Variants in MAF observed in about 807,000 individuals in gnomAD.
MAF encodes transcription factor Maf.
Under a neutral mutation model 22.0 loss-of-function variants are expected in MAF, and 10 were observed. That is an observed-to-expected ratio of 0.45 (90% CI 0.28 to 0.77). The LOEUF (loss-of-function observed/expected upper bound fraction) is 0.77. Ranked by LOEUF, MAF falls within the 30% of genes least tolerant of loss-of-function variation. The pLI is 0.12. For missense variants in MAF, 544 were observed against 548.4 expected, an observed-to-expected ratio of 0.99 and a Z score of 0.08; for synonymous variants, 337 against 255.8, an observed-to-expected ratio of 1.32 and a Z score of -3.03.
chr16:79,595,500 T>C (rs989323475), intron 1 of MAF: 102 of 1,059,534 alleles, frequency 9.6e-5, no homozygotes, highest in Non-Finnish European at 1.1e-4. Context: ...TTGTCTAACA[T>C]TCTATTGGTG....
the MAF span, among the ~76,000 whole-genome samples, chr16:79,405,275 A>G: frequency 6.6e-6 from 1 of 152,200 alleles, no homozygotes; most frequent in African/African-American, 2.4e-5. Flanking sequence ...AAGTCTGAGC[A>G]AGAGGTTCTG....
chr16:79,387,074 T>C, the MAF span, among the ~76,000 whole-genome samples: 25 of 152,308 alleles, frequency 1.6e-4, no homozygotes, highest in Non-Finnish European at 3.1e-4. Context: ...ATCATACCTG[T>C]TGTTTTTGGT....
the MAF span, among the ~76,000 whole-genome samples, chr16:79,291,385 T>C: frequency 9.9e-5 from 15 of 152,284 alleles, no homozygotes; most frequent in East Asian, 2.3e-3. Flanking sequence ...CAAGTTTCCA[T>C]TGTACAGCCA....
At chr16:79,515,817 C>T in the MAF span, among the ~76,000 whole-genome samples, 1 of 152,194 alleles carries the variant, frequency 6.6e-6, no homozygotes, top group Non-Finnish European at 1.5e-5. Flanking sequence ...GGAATCACTA[C>T]ATTCTATCAG....
the MAF span, among the ~76,000 whole-genome samples, chr16:79,468,149 G>T: frequency 2.6e-5 from 4 of 152,152 alleles, no homozygotes; most frequent in South Asian, 8.3e-4. Context: ...TTTATTCTCC[G>T]CCATTTTCTC....
the MAF span, among the ~76,000 whole-genome samples, chr16:79,292,418 G>A: frequency 6.6e-6 from 1 of 152,300 alleles, no homozygotes; most frequent in East Asian, 1.9e-4. Context: ...TGAAGAGGGA[G>A]GATGGCCCTG....
the MAF span, among the ~76,000 whole-genome samples, chr16:79,479,712 C>T: frequency 6.6e-6 from 1 of 152,198 alleles, no homozygotes; most frequent in African/African-American, 2.4e-5. Context: ...GTATTTCCCA[C>T]AGGAGAGAAA....
At chr16:79,532,391 T>C in the MAF span, among the ~76,000 whole-genome samples, 61 of 152,298 alleles carry the variant, frequency 4.0e-4, no homozygotes, top group African/African-American at 1.3e-3. Context: ...TGAGTTTCAC[T>C]ACATAAAAGA....
chr16:79,233,783 G>A, the MAF span, among the ~76,000 whole-genome samples: 1 of 152,004 alleles, frequency 6.6e-6, no homozygotes, highest in Non-Finnish European at 1.5e-5. Flanking sequence ...CACAAGGTCA[G>A]GAGTTTGAGA....
the MAF span, among the ~76,000 whole-genome samples, chr16:79,351,233 G>A: frequency 2.0e-5 from 3 of 152,170 alleles, no homozygotes; most frequent in African/African-American, 7.2e-5. Context: ...AAACAGTGGG[G>A]CTGCCTTTGC....
At chr16:79,445,209 ATTT>A in the MAF span, among the ~76,000 whole-genome samples, 217 of 145,140 alleles carry the variant, frequency 1.5e-3, no homozygotes, top group Middle Eastern at 3.6e-3. Context: ...AATTTTTTGT[ATTT>A]TTTTTTTTTT....
the MAF span, among the ~76,000 whole-genome samples, chr16:79,268,288 C>T: frequency 0.47 from 71,984 of 151,660 alleles, 18,329 homozygotes; most frequent in Non-Finnish European, 0.55. Context: ...TCGTCTCAGC[C>T]TGAGGGTTAT....
At chr16:79,424,705 A>G in the MAF span, among the ~76,000 whole-genome samples, 3 of 152,192 alleles carry the variant, frequency 2.0e-5, no homozygotes, top group African/African-American at 7.2e-5. Flanking sequence ...ACTGTTGGAA[A>G]GATGGTGTTA....
chr16:79,273,950 T>A, the MAF span, among the ~76,000 whole-genome samples: 12 of 2,604 alleles, frequency 4.6e-3, no homozygotes, highest in African/African-American at 0.011. Context: ...CGTGTCTGCC[T>A]TTTTTTTTTT....
At chr16:79,550,962 C>T in the MAF span, among the ~76,000 whole-genome samples, 7 of 152,138 alleles carry the variant, frequency 4.6e-5, 1 homozygote, top group Admixed American at 2.0e-4. Context: ...TAGCCAGGAC[C>T]GTGGTTCCTT....
At chr16:79,443,137 G>A in the MAF span, among the ~76,000 whole-genome samples, 1 of 152,120 alleles carries the variant, frequency 6.6e-6, no homozygotes, top group South Asian at 2.1e-4. Flanking sequence ...GGCAGTCAGG[G>A]CTAAGAAGCA....
chr16:79,451,373 A>G, the MAF span, among the ~76,000 whole-genome samples: 9 of 152,192 alleles, frequency 5.9e-5, no homozygotes, highest in Non-Finnish European at 1.0e-4. Context: ...AGGGCTATAC[A>G]AAGGGACCCA....
chr16:79,203,741 T>C, the MAF span: 2 of 152,322 alleles, frequency 1.3e-5, no homozygotes, highest in Non-Finnish European at 2.9e-5. Flanking sequence ...TTGTTTTACC[T>C]GTAGTATGAA....
chr16:79,429,331 A>G, the MAF span, among the ~76,000 whole-genome samples: 1 of 152,190 alleles, frequency 6.6e-6, no homozygotes, highest in Admixed American at 6.5e-5. Context: ...GGCTGCAGAC[A>G]CAAAGCAGAG....
Sources: allele counts gnomAD v4.1 joint callset (sites outside exome capture counted in the v4.1 genomes callset), GRCh38; gene constraint gnomAD v4.1.1; transcripts MANE v1.5; gene names NCBI Gene and HGNC (gene_info 2026-07-23, HGNC 2026-07-21).